Variants in PCNX2 observed in about 807,000 individuals in gnomAD.
The protein encoded by PCNX2 is pecanex-like protein 2.
Under a neutral mutation model 223.8 loss-of-function variants are expected in PCNX2, and 168 were observed. The ratio of observed to expected loss-of-function variants is 0.75; its 90% CI spans 0.66 to 0.85. PCNX2 has a LOEUF of 0.85. PCNX2 is among the 40% of genes least tolerant of loss of function. PCNX2 has a pLI of 0.00. For missense variants in PCNX2, 2,507 were observed against 2,675.5 expected, an observed-to-expected ratio of 0.94 and a Z score of 1.39; for synonymous variants, 1,006 against 1,052.6, an observed-to-expected ratio of 0.96 and a Z score of 0.86.
Position 232,987,171 on chromosome 1 carries a change from G to A in PCNX2, c.5792-631C>T, listed in dbSNP as rs113506628. Among the ~76,000 whole-genome samples the A allele has an allele frequency of 5.0e-3, 758 of 152,302 alleles. 12 individuals are homozygous for A. The highest frequency in any genetic ancestry group is 0.017 in the African/African-American group (720 of 41,562). The stretch of plus-strand genomic sequence containing the variant: ...CATGCTCTTCTCAGCCAGCCCCTTT[G>A]CCCACTGCCTCGCCCCTCAGGGGCC... On this transcript the variant is annotated intron_variant, in intron 32 of 33. Coordinates refer to ENST00000258229, the MANE Select transcript of PCNX2 (RefSeq NM_014801.4).
intron 1 of PCNX2, among the ~76,000 whole-genome samples, chr1:233,265,194 A>G (rs2103003389): frequency 6.6e-6 from 1 of 151,970 alleles, no homozygotes; most frequent in African/African-American, 2.4e-5. Flanking sequence ...AGTGAGCTAT[A>G]ATCATGCCAC....
chr1:233,117,325 A>G (rs892597785), intron 21 of PCNX2, among the ~76,000 whole-genome samples: 1 of 152,142 alleles, frequency 6.6e-6, no homozygotes, highest in African/African-American at 2.4e-5. Context: ...GACAAAGACA[A>G]TACACACAAA....
chr1:233,140,348 C>T (rs1677034354), intron 19 of PCNX2, among the ~76,000 whole-genome samples: 1 of 152,188 alleles, frequency 6.6e-6, no homozygotes, highest in Non-Finnish European at 1.5e-5. Context: ...AGCTGACTCC[C>T]AAACCCCAGC....
chr1:233,318,539 C>T, the PCNX2 span, among the ~76,000 whole-genome samples: 1 of 150,594 alleles, frequency 6.6e-6, no homozygotes, highest in Non-Finnish European at 1.5e-5. Flanking sequence ...ATCACTCCCC[C>T]ACCATCTTTT....
intron 20 of PCNX2, among the ~76,000 whole-genome samples, chr1:233,138,102 T>C (rs1382562977): frequency 6.6e-6 from 1 of 152,206 alleles, no homozygotes; most frequent in East Asian, 1.9e-4. Context: ...TTTTTAATTC[T>C]ACAGATGCAT....
chr1:233,222,412 G>A (rs970504985), intron 10 of PCNX2, among the ~76,000 whole-genome samples: 1 of 152,114 alleles, frequency 6.6e-6, no homozygotes, highest in African/African-American at 2.4e-5. Context: ...TAGTGTACAG[G>A]GGCTGAGCAT....
chr1:233,172,311 T>G, intron 17 of PCNX2: 1 of 968,686 alleles, frequency 1.0e-6, no homozygotes, highest in Non-Finnish European at 1.2e-6. Flanking sequence ...CTAGAAAGGA[T>G]TTATGTTTGT....
chr1:233,174,263 A>C (rs956633622), intron 17 of PCNX2, among the ~76,000 whole-genome samples: 81 of 145,712 alleles, frequency 5.6e-4, no homozygotes, highest in African/African-American at 1.9e-3. Context: ...TATATATAAT[A>C]TGTAATATAT....
chr1:233,318,211 A>G, the PCNX2 span, among the ~76,000 whole-genome samples: 1 of 152,222 alleles, frequency 6.6e-6, no homozygotes, highest in Non-Finnish European at 1.5e-5. Flanking sequence ...AGAAATGGAA[A>G]GGTTTGGGGA....
chr1:233,012,373 C>T (rs1415527151), intron 28 of PCNX2, among the ~76,000 whole-genome samples: 1 of 152,052 alleles, frequency 6.6e-6, no homozygotes, highest in African/African-American at 2.4e-5. Context: ...CCAACTAGGT[C>T]AGAACTTCAT....
At position 233,130,734 on chromosome 1, in the gene PCNX2, C is replaced by T. The variant is rs373664527; in HGVS notation, c.3837+4279G>A. On this transcript the variant is annotated intron_variant, in intron 21 of 33. Transcript: ENST00000258229. The stretch of plus-strand genomic sequence containing the variant: ...TCCTGACCTCATGATCCGCTTGCCT[C>T]GGCCTCCCAAAGTTCTGGGATTACA... Among the ~76,000 whole-genome samples, 316 of 152,064 alleles carry T rather than the reference C, an allele frequency of 2.1e-3. 2 individuals are homozygous for T. The highest frequency in any genetic ancestry group is 7.2e-3 in the African/African-American group (297 of 41,468).
rs1020671057 is a variant in PCNX2 at position 233,141,621 on chromosome 1, C to T, written c.3518-1766G>A. The stretch of plus-strand genomic sequence containing the variant: ...CCGGGAGGCAGAAGTTGCAGTGAGC[C>T]GAGATTGTGCCGCTGCACTCCAGCC... On this transcript the variant is annotated intron_variant, in intron 19 of 33. Transcript: ENST00000258229. Among the ~76,000 whole-genome samples, 8 of 151,984 alleles carry T rather than the reference C, an allele frequency of 5.3e-5. No homozygotes were observed. In the South Asian group the frequency reaches 8.4e-4, roughly 16 times the overall value.
the PCNX2 span, among the ~76,000 whole-genome samples, chr1:233,313,276 A>G: frequency 6.6e-6 from 1 of 152,334 alleles, no homozygotes; most frequent in Non-Finnish European, 1.5e-5. Flanking sequence ...GTTTGTATTC[A>G]GTATGAATAA....
intron 27 of PCNX2, among the ~76,000 whole-genome samples, chr1:233,015,848 T>A (rs1467482236): frequency 6.6e-6 from 1 of 151,418 alleles, no homozygotes; most frequent in Non-Finnish European, 1.5e-5. Context: ...CACTCCAGCC[T>A]AAGGAGAGTG....
At chr1:233,257,559 G>A (rs1242201027) in intron 5 of PCNX2, among the ~76,000 whole-genome samples, 1 of 152,166 alleles carries the variant, frequency 6.6e-6, no homozygotes, top group Non-Finnish European at 1.5e-5. Flanking sequence ...AGCGGCAGAA[G>A]TGTTTGTTAT....
At chr1:233,226,515 C>G (rs996144398) in intron 10 of PCNX2, among the ~76,000 whole-genome samples, 1 of 152,120 alleles carries the variant, frequency 6.6e-6, no homozygotes, top group African/African-American at 2.4e-5. Context: ...GGTGATCTGC[C>G]CGCCTCAGCC....
At chr1:233,175,678 C>T (rs1679438532) in intron 17 of PCNX2, among the ~76,000 whole-genome samples, 1 of 145,680 alleles carries the variant, frequency 6.9e-6, no homozygotes, top group African/African-American at 2.7e-5. Context: ...GTTGTGGATG[C>T]TAGGCTTATG....
At chr1:233,079,141 A>G (rs1673233735) in intron 23 of PCNX2, among the ~76,000 whole-genome samples, 1 of 152,144 alleles carries the variant, frequency 6.6e-6, no homozygotes, top group Admixed American at 6.5e-5. Context: ...ACAATAGGGG[A>G]TGGATGCCAG....
chr1:233,172,600 T>G, intron 17 of PCNX2: 1 of 946,110 alleles, frequency 1.1e-6, no homozygotes, highest in Non-Finnish European at 1.3e-6. Context: ...GACACCCACC[T>G]GGGCTTCAAT....
Sources: gnomAD v4.1 joint callset for allele counts (sites outside exome capture counted in the v4.1 genomes callset) on GRCh38, gnomAD v4.1.1 for gene constraint, MANE v1.5 for transcripts, NCBI Gene and HGNC (gene_info 2026-07-23, HGNC 2026-07-21) for gene names.